NPAT: variants seen among roughly 807,000 people sequenced by gnomAD.
The protein encoded by NPAT is nuclear protein, coactivator of histone transcription.
In NPAT, 52 loss-of-function variants were observed where a neutral mutation model predicts 130.7. The ratio of observed to expected loss-of-function variants is 0.40; its 90% CI spans 0.32 to 0.50. The LOEUF is 0.50. Ranked by LOEUF, NPAT falls within the 20% of genes least tolerant of loss-of-function variation. The pLI is 0.68. For missense variants in NPAT, 1,687 were observed against 1,662.6 expected (o/e 1.01, Z -0.26); for synonymous variants, 580 against 584.8 (o/e 0.99, Z 0.12).
At chr11:108,165,452 TTATA>T (rs10678040) in intron 15 of NPAT, among the ~76,000 whole-genome samples, 5 of 133,902 alleles carry the variant, frequency 3.7e-5, no homozygotes, top group South Asian at 2.4e-4. Context: ...ACATATGTAT[TTATA>T]TATATATATA....
chr11:108,203,376 T>C (rs773952264), intron 1 of NPAT, among the ~76,000 whole-genome samples: 6 of 152,150 alleles, frequency 3.9e-5, no homozygotes, highest in Non-Finnish European at 7.3e-5. Context: ...CTACCCTCTC[T>C]CCCTCTCTAG....
intron 1 of NPAT, among the ~76,000 whole-genome samples, chr11:108,217,878 A>T (rs1002124966): frequency 4.6e-5 from 7 of 152,188 alleles, no homozygotes; most frequent in African/African-American, 1.7e-4. Context: ...CTGTAATCCC[A>T]GCTACTTCAG....
At chr11:108,214,958 G>T (rs11821820) in intron 1 of NPAT, among the ~76,000 whole-genome samples, 3,168 of 152,124 alleles carry the variant, frequency 0.021, 113 homozygotes, top group African/African-American at 0.072. Context: ...TTAATGTGTC[G>T]TATGAGGTTC....
At chr11:108,214,745 G>A (rs538603165) in intron 1 of NPAT, among the ~76,000 whole-genome samples, 5 of 150,742 alleles carry the variant, frequency 3.3e-5, no homozygotes, top group South Asian at 4.2e-4. Context: ...CGATTCTCCT[G>A]CCTCAGCCTC....
chr11:108,171,553 T>C, intron 13 of NPAT: 1 of 152,050 alleles, frequency 6.6e-6, no homozygotes, highest in African/African-American at 2.4e-5. Flanking sequence ...GGCATGATCT[T>C]GGCTCACTGA....
Position 108,186,545 on chromosome 11 carries a change from A to C in NPAT, c.663T>G (p.Thr221=), listed in dbSNP as rs1263690198. 1 of 1,613,934 alleles carries C rather than the reference A, an allele frequency of 6.2e-7. No individual in the cohort carries two copies. Among genetic ancestry groups the C allele is most frequent in the East Asian group, 2.2e-5 (1 of 44,874 alleles). The part of the protein sequence containing the change: ...RKSESQRKST[T]LSGPHSTIRN... ...GTATTGTTGAATGAGGGCCAGACAA[A>C]GTGGTACTTTTTCTCTGAGATTCAC... Residue 221 remains threonine, a synonymous_variant, in exon 8 of 18, where the codon ACT becomes ACG. Transcript: ENST00000278612.
chr11:108,216,412 C>T (rs563211117), intron 1 of NPAT, among the ~76,000 whole-genome samples: 1 of 152,088 alleles, frequency 6.6e-6, no homozygotes, highest in Admixed American at 6.5e-5. Flanking sequence ...GAAAATCTCC[C>T]TCTTTTTATG....
intron 1 of NPAT, among the ~76,000 whole-genome samples, chr11:108,213,141 T>C (rs2078400296): frequency 6.6e-6 from 1 of 150,934 alleles, no homozygotes; most frequent in Non-Finnish European, 1.5e-5. Context: ...GGCAAGGTGA[T>C]GCATGCCTGT....
intron 1 of NPAT, among the ~76,000 whole-genome samples, chr11:108,221,524 G>A (rs1480960850): frequency 6.6e-6 from 1 of 152,214 alleles, no homozygotes; most frequent in Non-Finnish European, 1.5e-5. Context: ...CAAGAGCCCT[G>A]CGCAAATAAC....
intron 15 of NPAT, 90 bp downstream of exon 15, chr11:108,169,654 T>C: frequency 1.1e-6 from 1 of 935,562 alleles, no homozygotes; most frequent in Non-Finnish European, 1.8e-6. Context: ...TAAAATGGTT[T>C]AGGTATTCAG....
chr11:108,197,890 A>G (rs896853450), intron 1 of NPAT, among the ~76,000 whole-genome samples: 3 of 152,234 alleles, frequency 2.0e-5, no homozygotes, highest in Admixed American at 6.5e-5. Flanking sequence ...ACTCTGCATG[A>G]AAGTTGAGAC....
intron 12 of NPAT, among the ~76,000 whole-genome samples, chr11:108,174,564 T>TAAAA (rs561166671): frequency 2.9e-5 from 3 of 103,984 alleles, no homozygotes; most frequent in South Asian, 3.0e-4. Context: ...GAGAAGATCT[T>TAAAA]AAAAAAAAAA....
At chr11:108,206,594 G>A (rs997659884) in intron 1 of NPAT, among the ~76,000 whole-genome samples, 1 of 152,144 alleles carries the variant, frequency 6.6e-6, no homozygotes, top group African/African-American at 2.4e-5. Flanking sequence ...GCCCCAAAGA[G>A]GGTGTCACAA....
intron 17 of NPAT, among the ~76,000 whole-genome samples, chr11:108,160,015 G>A (rs149731815): frequency 1.3e-5 from 2 of 151,998 alleles, no homozygotes; most frequent in Non-Finnish European, 2.9e-5. Flanking sequence ...GCTGGGTGTG[G>A]TGGCAGACAC....
chr11:108,204,772 G>T (rs1250835809), intron 1 of NPAT, among the ~76,000 whole-genome samples: 1 of 152,202 alleles, frequency 6.6e-6, no homozygotes, highest in African/African-American at 2.4e-5. Context: ...CTGCCTTGTG[G>T]ATGGCACGAA....
chr11:108,181,591 T>C (rs2078059011), intron 10 of NPAT, among the ~76,000 whole-genome samples: 1 of 152,178 alleles, frequency 6.6e-6, no homozygotes, highest in Non-Finnish European at 1.5e-5. Flanking sequence ...TTTTTACAAT[T>C]AAAAATTAAA....
At chr11:108,174,686 CT>C (rs1463340258) in intron 12 of NPAT, among the ~76,000 whole-genome samples, 1 of 149,902 alleles carries the variant, frequency 6.7e-6, no homozygotes, top group African/African-American at 2.5e-5. Flanking sequence ...CGATTCTCAG[CT>C]CACTGCAGCC....
At chr11:108,220,441 T>TA (rs1029277969) in intron 1 of NPAT, among the ~76,000 whole-genome samples, 1 of 151,828 alleles carries the variant, frequency 6.6e-6, no homozygotes, top group Non-Finnish European at 1.5e-5. Flanking sequence ...TTTAAGAATT[T>TA]AAAAAAAACC....
chr11:108,172,383 C>G lies in NPAT; in HGVS notation c.2601G>C (p.Leu867=). 3 of 1,614,208 alleles carry G rather than the reference C, an allele frequency of 1.9e-6. No homozygotes were observed. Among genetic ancestry groups the G allele is most frequent in the Non-Finnish European group, 2.5e-6 (3 of 1,180,036 alleles). The change falls in exon 13 of 18, where the codon CTG becomes CTC. Residue 867 remains leucine (L), a synonymous_variant. Transcript: ENST00000278612. ...STAFGNSNNI[L]IATCVTDPTA... ...TTGGATCAGTCACACAGGTAGCTAT[C>G]AGAATGTTATTTGAATTGCCAAAAG...
Sources: allele counts gnomAD v4.1 joint callset (sites outside exome capture counted in the v4.1 genomes callset), GRCh38; gene constraint gnomAD v4.1.1; transcripts MANE v1.5; gene names NCBI Gene and HGNC (gene_info 2026-07-23, HGNC 2026-07-21).